The following AMPD1 variants were observed in gnomAD, a reference collection of about 807,000 sequenced individuals.
The protein encoded by AMPD1 is adenosine monophosphate deaminase 1.
Under a neutral mutation model 82.9 loss-of-function variants are expected in AMPD1, and 74 were observed. The observed-to-expected ratio is 0.89, with a 90% CI of 0.74 to 1.08. AMPD1 has a LOEUF of 1.08. AMPD1 is among the 50% of genes least tolerant of loss of function. The probability of loss-of-function intolerance (pLI) is 0.00; values close to 1 mark genes in which losing one functional copy is unlikely to be tolerated. For synonymous variants in AMPD1, 333 were observed against 320.5 expected (o/e 1.04, Z -0.42); for missense variants, 881 against 924.5 (o/e 0.95, Z 0.61).
At chr1:114,676,067 T>C (rs1657973263) in intron 10 of AMPD1, 64 bp from the exon 11 acceptor site, 2 of 1,564,842 alleles carry the variant, frequency 1.3e-6, no homozygotes, top group East Asian at 2.2e-5. Flanking sequence ...AGCCCCAGTA[T>C]GAGGGAACCA....
intron 5 of AMPD1, among the ~76,000 whole-genome samples, chr1:114,683,413 A>T (rs1389411711): frequency 6.6e-6 from 1 of 152,128 alleles, no homozygotes; most frequent in Non-Finnish European, 1.5e-5. Flanking sequence ...AGAGAAAGTA[A>T]GTTCAGAAAT....
chr1:114,678,986 C>G (rs910532360), intron 7 of AMPD1, among the ~76,000 whole-genome samples: 2 of 152,144 alleles, frequency 1.3e-5, no homozygotes, highest in Non-Finnish European at 2.9e-5. Context: ...AGTAATTAGT[C>G]CAAAGTTGTA....
intron 15 of AMPD1, 39 bp downstream of exon 15, chr1:114,673,600 C>A: frequency 6.6e-7 from 1 of 1,505,580 alleles, no homozygotes; most frequent in South Asian, 1.1e-5. Flanking sequence ...GTTAGCAGAC[C>A]CTATACTCAG....
chr1:114,677,056 A>G (rs1658004447), intron 10 of AMPD1, among the ~76,000 whole-genome samples: 1 of 152,128 alleles, frequency 6.6e-6, no homozygotes, highest in Non-Finnish European at 1.5e-5. Flanking sequence ...AAGAAAATGT[A>G]TACCAAACTG....
At chr1:114,686,953 C>A in intron 3 of AMPD1, 43 bp from the exon 4 acceptor site, 1 of 1,597,504 alleles carries the variant, frequency 6.3e-7, no homozygotes, top group Non-Finnish European at 8.6e-7. Flanking sequence ...TTGTCTTCAT[C>A]AGGCGTTTCA....
In AMPD1 at chr1:114,680,440, G is replaced by A. The variant is rs775029965; in HGVS notation, c.586C>T (p.Arg196Ter). ...PPVKKGEDPF[R>*]TDNLPENLGY... The stretch of plus-strand genomic sequence containing the variant: ...AGGTTTTCAGGAAGGTTGTCTGTTC[G>A]GAAGGGGTCCTCTCCCTTCTTCACA... Residue 196 changes from arginine to a stop codon, truncating the protein, a stop_gained, in exon 6 of 16, where the codon CGA (arginine) becomes TGA (stop). Coordinates refer to ENST00000520113, the MANE Select transcript of AMPD1 (RefSeq NM_000036.3). LOFTEE classifies it high-confidence loss of function. 1.4e-5 allele frequency: 23 copies of A among 1,613,964 alleles called. No individual in the cohort carries two copies. The highest frequency in any genetic ancestry group is 5.0e-5 in the Admixed American group (3 of 59,988).
chr1:114,688,387 C>G (rs1053045257), intron 3 of AMPD1, among the ~76,000 whole-genome samples, 174 bp downstream of exon 3: 1 of 152,204 alleles, frequency 6.6e-6, no homozygotes, highest in African/African-American at 2.4e-5. Context: ...CTCGGCCTCC[C>G]AGAGTGCTGG....
At chr1:114,686,370 CA>C (rs2101722004) in intron 4 of AMPD1, among the ~76,000 whole-genome samples, 2 of 152,136 alleles carry the variant, frequency 1.3e-5, no homozygotes, top group East Asian at 3.9e-4. Flanking sequence ...TTCTTTTCCC[CA>C]GAGACTCCGT....
At chr1:114,693,372 G>T in intron 2 of AMPD1, 64 bp downstream of exon 2, 8 of 1,488,714 alleles carry the variant, frequency 5.4e-6, no homozygotes, top group Non-Finnish European at 7.5e-6. Flanking sequence ...CTGAATTAAG[G>T]AATAGTATCA....
intron 4 of AMPD1, among the ~76,000 whole-genome samples, chr1:114,684,968 G>A (rs1658267186): frequency 6.6e-6 from 1 of 152,178 alleles, no homozygotes; most frequent in Non-Finnish European, 1.5e-5. Context: ...CTAGAGGAAA[G>A]CTTTATTAGA....
intron 2 of AMPD1, among the ~76,000 whole-genome samples, chr1:114,689,620 C>T (rs1198420991): frequency 6.6e-6 from 1 of 152,098 alleles, no homozygotes; most frequent in Admixed American, 6.5e-5. Flanking sequence ...AGTTCGAGAC[C>T]AGCCTGGCCA....
chr1:114,686,710 T>C (rs1570850585), intron 4 of AMPD1, 35 bp downstream of exon 4: 2 of 1,611,862 alleles, frequency 1.2e-6, no homozygotes, highest in Non-Finnish European at 1.7e-6. Flanking sequence ...AATGGCTTCC[T>C]GGTTGCTAAG....
chr1:114,683,856 A>G (rs1246887969), intron 5 of AMPD1, among the ~76,000 whole-genome samples: 1 of 152,190 alleles, frequency 6.6e-6, no homozygotes, highest in Non-Finnish European at 1.5e-5. Flanking sequence ...CAGGAGAAGG[A>G]TGTGCTCAGA....
chr1:114,679,755 AG>A (rs767813958), intron 6 of AMPD1, 47 bp from the exon 7 acceptor site: 3 of 1,604,264 alleles, frequency 1.9e-6, no homozygotes, highest in Non-Finnish European at 2.6e-6. Context: ...CAGGCATTCA[AG>A]AAAAACAGTC....
At chr1:114,682,819 C>T (rs1430427382) in intron 5 of AMPD1, among the ~76,000 whole-genome samples, 1 of 152,130 alleles carries the variant, frequency 6.6e-6, no homozygotes, top group South Asian at 2.1e-4. Flanking sequence ...ACCTCGTGAT[C>T]CGCCCGCCTT....
rs182702476 is a variant in AMPD1 at position 114,677,373 on chromosome 1, T to A, written c.1366A>T (p.Met456Leu). The A allele has an allele frequency of 3.4e-5, 54 of 1,610,400 alleles. No individual in the cohort carries two copies. In the East Asian group the frequency reaches 1.1e-3, roughly 33 times the overall value. The change falls in exon 10 of 16, where the codon ATG becomes TTG. Residue 456 changes from methionine to leucine, a missense_variant. By Grantham distance (15) the Met-to-Leu change is conservative. Transcript: ENST00000520113. ...TACTAGATCCTGGGAACCTGGATCA[T>A]CCATGTCATGTTGGGGCAGTGGATG... is the stretch of plus-strand genomic sequence containing the variant. Reference protein sequence around the residue: ...NRIHCPNMTWMIQVPRIYDVF... With the variant: ...NRIHCPNMTWLIQVPRIYDVF...
Position 114,695,498 on chromosome 1 carries a change from T to A in AMPD1, c.-27A>T, listed in dbSNP as rs1226239267. On this transcript the variant is annotated 5_prime_UTR_variant, in exon 1 of 16. Transcript: ENST00000520113. Reference sequence around the variant, plus strand: ...GTTGCTGAAATCCTTGATTCTAGGATAGCACAGTAGAAAAGAAGAGAGAGG... The same window carrying A: ...GTTGCTGAAATCCTTGATTCTAGGAAAGCACAGTAGAAAAGAAGAGAGAGG... The A allele has an allele frequency of 6.2e-7, 1 of 1,613,870 alleles. No individual in the cohort carries two copies. The highest frequency in any genetic ancestry group is 2.2e-5 in the East Asian group (1 of 44,846).
intron 14 of AMPD1, 22 bp from the exon 15 acceptor site, chr1:114,673,771 A>C: frequency 6.3e-7 from 1 of 1,591,472 alleles, no homozygotes; most frequent in Non-Finnish European, 8.6e-7. Flanking sequence ...TTAAATGAGG[A>C]AAAAAGAGGA....
At chr1:114,673,398 C>T (rs1403492054) in intron 15 of AMPD1, 126 bp from the exon 16 acceptor site, 3 of 1,150,282 alleles carry the variant, frequency 2.6e-6, no homozygotes, top group South Asian at 2.8e-5. Flanking sequence ...AATAATAGAC[C>T]ATTAAAAGCA....
Sources: allele counts gnomAD v4.1 joint callset (sites outside exome capture counted in the v4.1 genomes callset), GRCh38; gene constraint gnomAD v4.1.1; transcripts MANE v1.5; gene names NCBI Gene and HGNC (gene_info 2026-07-23, HGNC 2026-07-21).